APCDD1L: variants seen among roughly 807,000 people sequenced by gnomAD.
The protein encoded by APCDD1L is APC down-regulated 1 like, also known as protein APCDD1-like.
Under a neutral mutation model 24.2 loss-of-function variants are expected in APCDD1L, and 21 were observed. That is an observed-to-expected ratio of 0.87 (90% CI 0.61 to 1.25). The LOEUF is 1.25. APCDD1L is among the 50% of genes most tolerant of loss of function. The pLI is 0.00. For missense variants in APCDD1L, 704 were observed against 711.7 expected (o/e 0.99, Z 0.12); for synonymous variants, 321 against 323.6 (o/e 0.99, Z 0.09).
In APCDD1L at chr20:58,515,391, G is replaced by T. The variant is rs183278486; in HGVS notation, c.-684C>A. On this transcript the variant is annotated 5_prime_UTR_variant, in exon 1 of 4. Coordinates refer to ENST00000371149, the MANE Select transcript of APCDD1L (RefSeq NM_153360.3). ...CCCCACCACACCCAAACGCATCTAG[G>T]CAAAGTGTGGACCCGACCAGGCGGG... 2 of 371,476 alleles carry T rather than the reference G, an allele frequency of 5.4e-6. No homozygotes were observed. The highest frequency in any genetic ancestry group is 7.8e-5 in the East Asian group (2 of 25,768). The allele number at this position is 371,476 out of a possible 1,614,324, so 23.0% of individuals were successfully genotyped here.
chr20:58,495,103 C>T (rs1353774835), intron 1 of APCDD1L, among the ~76,000 whole-genome samples: 1 of 152,176 alleles, frequency 6.6e-6, no homozygotes. Context: ...TGCTCACATG[C>T]CTCCTTCAGC....
rs1362090344 is a variant in APCDD1L, at chr20:58,514,784, A to T, written c.-77T>A. 8.4e-7 allele frequency: 1 copy of T among 1,194,834 alleles called. No individual in the cohort carries two copies. Among genetic ancestry groups the T allele is most frequent in the Non-Finnish European group, 1.1e-6 (1 of 941,522 alleles). The allele number at this position is 1,194,834 out of a possible 1,614,324, so 74.0% of individuals were successfully genotyped here. On this transcript the variant is annotated 5_prime_UTR_variant, in exon 1 of 4. Coordinates refer to ENST00000371149, the MANE Select transcript of APCDD1L (RefSeq NM_153360.3). Reference sequence around the variant, plus strand: ...GGAGGCGCGGGCGCAGGGCTCTCGGACGGCTGCGGGCGCCGGCGGCCAGGC... The same window carrying T: ...GGAGGCGCGGGCGCAGGGCTCTCGGTCGGCTGCGGGCGCCGGCGGCCAGGC...
chr20:58,470,768 G>A lies in APCDD1L; in HGVS notation c.50-21C>T, dbSNP rs748313493. The stretch of plus-strand genomic sequence containing the variant: ...GTGGGCTGCAAAGCAGACAGACCTG[G>A]GTAAGACCCCAGCATGCCCCGGGAA... On this transcript the variant is annotated intron_variant, in intron 1 of 3. Coordinates refer to ENST00000371149, the MANE Select transcript of APCDD1L (RefSeq NM_153360.3). 7.2e-6 allele frequency: 11 copies of A among 1,523,106 alleles called. No homozygotes were observed. In the South Asian group the frequency reaches 1.3e-4, roughly 19 times the overall value. 94.3% of individuals were successfully genotyped at this position (1,523,106 alleles called of 1,614,324 possible).
At chr20:58,483,375 A>G (rs1182836896) in intron 1 of APCDD1L, among the ~76,000 whole-genome samples, 1 of 149,698 alleles carries the variant, frequency 6.7e-6, no homozygotes, top group Non-Finnish European at 1.5e-5. Context: ...TGCTTTGAAA[A>G]GCAGTGTTTT....
At chr20:58,471,751 G>A (rs562576453) in intron 1 of APCDD1L, among the ~76,000 whole-genome samples, 5 of 152,368 alleles carry the variant, frequency 3.3e-5, no homozygotes, top group African/African-American at 1.2e-4. Context: ...TGGGAAGCTC[G>A]GCAGTGAGCT....
At chr20:58,474,251 A>G (rs960945166) in intron 1 of APCDD1L, among the ~76,000 whole-genome samples, 2 of 152,142 alleles carry the variant, frequency 1.3e-5, no homozygotes, top group Non-Finnish European at 2.9e-5. Flanking sequence ...CGACACAACC[A>G]CCCGTGACAT....
At chr20:58,469,536 T>C (rs1989773381) in intron 2 of APCDD1L, among the ~76,000 whole-genome samples, 3 of 152,174 alleles carry the variant, frequency 2.0e-5, no homozygotes, top group Admixed American at 6.5e-5. Flanking sequence ...TGCTCCAGAA[T>C]GTTACTGTCT....
intron 1 of APCDD1L, among the ~76,000 whole-genome samples, chr20:58,479,374 T>C (rs1989979523): frequency 1.3e-5 from 2 of 152,212 alleles, no homozygotes; most frequent in Admixed American, 1.3e-4. Flanking sequence ...TGTGACTACA[T>C]GGCCAGATTA....
chr20:58,488,940 T>A (rs1254326412), intron 1 of APCDD1L, among the ~76,000 whole-genome samples: 1 of 151,500 alleles, frequency 6.6e-6, no homozygotes, highest in African/African-American at 2.4e-5. Context: ...CCCTGAGAGA[T>A]TAGATCAACC....
intron 1 of APCDD1L, among the ~76,000 whole-genome samples, chr20:58,477,827 C>T (rs527559017): frequency 4.6e-4 from 70 of 152,146 alleles, no homozygotes; most frequent in African/African-American, 1.5e-3. Context: ...ACTATGTTGC[C>T]CAGGCTGGTC....
At chr20:58,492,075 C>G (rs951690373) in intron 1 of APCDD1L, among the ~76,000 whole-genome samples, 9 of 152,078 alleles carry the variant, frequency 5.9e-5, no homozygotes, top group African/African-American at 2.2e-4. Context: ...GGGGGAGGAA[C>G]TTAAATGTAC....
chr20:58,466,987 C>A (rs1989717369), intron 3 of APCDD1L, 119 bp downstream of exon 3: 1 of 1,299,048 alleles, frequency 7.7e-7, no homozygotes, highest in African/African-American at 1.5e-5. Context: ...GCAGTGATGA[C>A]AGCCGGGCAG....
At position 58,513,968 on chromosome 20, in the gene APCDD1L, T is replaced by C. The variant is rs1313431653; in HGVS notation, c.49+691A>G. 7 of 1,292,036 alleles carry C rather than the reference T, an allele frequency of 5.4e-6. No individual in the cohort carries two copies. In the Admixed American group the frequency reaches 1.6e-4, roughly 30 times the overall value. The allele number at this position is 1,292,036 out of a possible 1,614,324, so 80.0% of individuals were successfully genotyped here. On this transcript the variant is annotated intron_variant, in intron 1 of 3. Transcript: ENST00000371149. ...CTTCAACTGTGGTTACTGTCATTTT[T>C]GTCAGTGGTGACTGGGCCCCTGTGA...
intron 1 of APCDD1L, among the ~76,000 whole-genome samples, chr20:58,486,854 G>GTTTTTTTTTTTTTTTTTTTTTTTTTTTTT: frequency 1.2e-5 from 1 of 80,438 alleles, no homozygotes; most frequent in East Asian, 4.5e-4. Flanking sequence ...TGGAGGGAAG[G>GTTTTTTTTTTTTTTTTTTTTTTTTTTTTT]TTTTTTTTTT....
chr20:58,472,663 G>A (rs566282756), intron 1 of APCDD1L, among the ~76,000 whole-genome samples: 5 of 152,200 alleles, frequency 3.3e-5, no homozygotes, highest in South Asian at 2.1e-4. Context: ...CCAAATAGGA[G>A]AAATGAAAAC....
intron 1 of APCDD1L, among the ~76,000 whole-genome samples, chr20:58,500,351 C>G (rs1418387375): frequency 6.6e-6 from 1 of 152,132 alleles, no homozygotes; most frequent in African/African-American, 2.4e-5. Flanking sequence ...GAGGGGCATG[C>G]TGAGTCTTCT....
At chr20:58,504,711 A>C (rs183684895) in intron 1 of APCDD1L, among the ~76,000 whole-genome samples, 119 of 152,146 alleles carry the variant, frequency 7.8e-4, no homozygotes, top group Admixed American at 1.9e-3. Context: ...TTTGGCAAGC[A>C]CCTCTCCTCA....
intron 3 of APCDD1L, among the ~76,000 whole-genome samples, chr20:58,464,472 G>T (rs754301397): frequency 8.5e-5 from 13 of 152,236 alleles, no homozygotes; most frequent in Non-Finnish European, 1.6e-4. Context: ...GCAGAGGTCT[G>T]AAGTCTCATG....
intron 1 of APCDD1L, among the ~76,000 whole-genome samples, chr20:58,512,643 A>T (rs1344652869): frequency 1.3e-5 from 2 of 152,180 alleles, no homozygotes; most frequent in Admixed American, 6.5e-5. Flanking sequence ...ACCTGGAGAC[A>T]TGAAGTTCAG....
Sources: allele counts gnomAD v4.1 joint callset (sites outside exome capture counted in the v4.1 genomes callset), GRCh38; gene constraint gnomAD v4.1.1; transcripts MANE v1.5; gene names NCBI Gene and HGNC (gene_info 2026-07-23, HGNC 2026-07-21).